Variants in ARMCX2 observed in about 807,000 individuals in gnomAD.
ARMCX2 encodes armadillo repeat-containing X-linked protein 2.
ARMCX2 carries 2 observed loss-of-function variants against 17.0 expected under a neutral mutation model. That is an observed-to-expected ratio of 0.12 (90% CI 0.05 to 0.37). The LOEUF is 0.37. ARMCX2 is among the 10% of genes least tolerant of loss of function. ARMCX2 has a pLI of 1.00. For synonymous variants in ARMCX2, 182 were observed against 195.2 expected, an observed-to-expected ratio of 0.93 and a Z score of 0.57; for missense variants, 408 against 497.7, an observed-to-expected ratio of 0.82 and a Z score of 1.72.
Position 101,656,923 on chromosome X carries a change from C to T in ARMCX2, c.666G>A (p.Val222=). The T allele has an allele frequency of 8.3e-7, 1 of 1,211,165 alleles. No individual in the cohort carries two copies. The highest frequency in any genetic ancestry group is 1.1e-6 in the Non-Finnish European group (1 of 895,096). Residue 222 remains valine (V), a synonymous_variant, in exon 6 of 6, where the codon GTG becomes GTA. Transcript: ENST00000356824. ...ASPTEAAEAP[V]PATPTGAAAP... Reference sequence around the variant, plus strand: ...CTGCAGCCCCAGTAGGCGTTGCCGGCACAGGAGCCTCAGCTGCCTCGGTAG... The same window carrying T: ...CTGCAGCCCCAGTAGGCGTTGCCGGTACAGGAGCCTCAGCTGCCTCGGTAG...
chrX:101,655,669 C>T lies in ARMCX2; in HGVS notation c.*21G>A. On this transcript the variant is annotated 3_prime_UTR_variant, in exon 6 of 6. Transcript: ENST00000356824. ...GCAAAATCATGAAATTTCTTCAAGT[C>T]TTTTGACGGTACATAACCAATCAGA... 9.3e-7 allele frequency: 1 copy of T among 1,071,473 alleles called. No homozygotes were observed. Among genetic ancestry groups the T allele is most frequent in the Non-Finnish European group, 1.2e-6 (1 of 813,133 alleles). 88.3% of individuals were successfully genotyped at this position (1,071,473 alleles called of 1,213,427 possible).
intron 4 of ARMCX2, 84 bp from the exon 5 acceptor site, chrX:101,658,226 A>G (rs1262604836): frequency 8.9e-6 from 1 of 112,137 alleles, no homozygotes; most frequent in African/African-American, 3.3e-5. Flanking sequence ...CTGTGGGTCA[A>G]AGGTTTTCCC....
chrX:101,655,858 G>C lies in ARMCX2; in HGVS notation c.1731C>G (p.Ile577Met), dbSNP rs1556048273. The part of the protein sequence containing the change: ...LINALTLFEI[I>M]YDNLRAEVFN... ...ACACTTCTGCTCTGAGATTGTCATA[G>C]ATAATCTCAAATAGAGTAAGGGCAT... The change falls in exon 6 of 6, where the codon ATC becomes ATG. Residue 577 changes from isoleucine to methionine, a missense_variant. Ile to Met is a conservative substitution (Grantham distance 10). Coordinates refer to ENST00000356824, the MANE Select transcript of ARMCX2 (RefSeq NM_177949.4). 1 of 1,209,162 alleles carries C rather than the reference G, an allele frequency of 8.3e-7. No individual in the cohort carries two copies. The highest frequency in any genetic ancestry group is 1.1e-6 in the Non-Finnish European group (1 of 894,093).
Position 101,656,126 on chromosome X carries a change from A to G in ARMCX2, c.1463T>C (p.Val488Ala). 1 of 1,210,991 alleles carries G rather than the reference A, an allele frequency of 8.3e-7. No homozygotes were observed. The highest frequency in any genetic ancestry group is 1.1e-6 in the Non-Finnish European group (1 of 894,866). Reference sequence around the variant, plus strand: ...CATGTTTGTTAGAAATTTTAGTCCAACTACTTGAACTGCTGAGTTCAGGTT... The same window carrying G: ...CATGTTTGTTAGAAATTTTAGTCCAGCTACTTGAACTGCTGAGTTCAGGTT... ...ASNLNSAVQV[V>A]GLKFLTNMTI... Residue 488 changes from valine to alanine, a missense_variant, in exon 6 of 6, where the codon GTT becomes GCT. By Grantham distance (64) the Val-to-Ala change is moderately conservative. Around this residue, in one of 2 missense-constraint regions of ARMCX2, gnomAD observed 101 missense variants for 170.9 expected, o/e 0.59. Transcript: ENST00000356824.
rs782744482 is a variant in ARMCX2 at position 101,657,379 on chromosome X, A to G, written c.210T>C (p.Ser70=). 8.3e-7 allele frequency: 1 copy of G among 1,211,532 alleles called. No individual in the cohort carries two copies. The highest frequency in any genetic ancestry group is 1.8e-5 in the South Asian group (1 of 56,986). Residue 70 remains serine (S), a synonymous_variant, in exon 6 of 6, where the codon AGT becomes AGC. Coordinates refer to ENST00000356824, the MANE Select transcript of ARMCX2 (RefSeq NM_177949.4). ...CTTCAGCACGGACTGGGGTTGGGGG[A>G]CTGAATCCTGACCCAAGGTCGATTG... The part of the protein sequence containing the change: ...GFTIDLGSGF[S]PPTPVRAEAE...
chrX:101,658,923 C>A (rs1319128706), intron 3 of ARMCX2, among the ~76,000 whole-genome samples, 153 bp downstream of exon 3: 2 of 111,461 alleles, frequency 1.8e-5, no homozygotes, highest in South Asian at 3.8e-4. Flanking sequence ...CGCTCCCCAG[C>A]CCCTAGGCCT....
At position 101,657,563 on chromosome X, in the gene ARMCX2, C is replaced by T; in HGVS notation, c.26G>A (p.Cys9Tyr). MSRVRDAG[C>Y]VAAGIVIGAG... ...CCCTATCACTATCCCCGCCGCTACA[C>T]AGCCAGCATCCCGAACGCGGCTCAT... The change falls in exon 6 of 6, where the codon TGT (cysteine) becomes TAT (tyrosine). Residue 9 changes from cysteine to tyrosine, a missense_variant. Cys to Tyr is a radical substitution (Grantham distance 194). This residue lies in a region of ARMCX2 where 307 missense variants were observed against 326.8 expected (regional missense o/e 0.94). Coordinates refer to ENST00000356824, the MANE Select transcript of ARMCX2 (RefSeq NM_177949.4). 1 of 1,209,988 alleles carries T rather than the reference C, an allele frequency of 8.3e-7. No individual in the cohort carries two copies. Among genetic ancestry groups the T allele is most frequent in the Non-Finnish European group, 1.1e-6 (1 of 894,102 alleles).
intron 5 of ARMCX2, 87 bp from the exon 6 acceptor site, chrX:101,657,802 A>G (rs894851787): frequency 7.6e-5 from 28 of 369,049 alleles, no homozygotes; most frequent in Non-Finnish European, 1.3e-4. Context: ...TTAGGGACAC[A>G]ATGCTTCGTT....
chrX:101,657,223 C>G lies in ARMCX2; in HGVS notation c.366G>C (p.Gly122=). ...GSQAQEADGA[G]VGPKAESVVG... Reference sequence around the variant, plus strand: ...CTACTGATTCGGCCTTAGGCCCAACCCCGGCTCCATCTGCCTCTTGGGCCT... The same window carrying G: ...CTACTGATTCGGCCTTAGGCCCAACGCCGGCTCCATCTGCCTCTTGGGCCT... Residue 122 remains glycine (G), a synonymous_variant, in exon 6 of 6, where the codon GGG becomes GGC. Transcript: ENST00000356824. 5 of 1,199,696 alleles carry G rather than the reference C, an allele frequency of 4.2e-6. No individual in the cohort carries two copies. The highest frequency in any genetic ancestry group is 5.6e-6 in the Non-Finnish European group (5 of 887,390).
Position 101,656,928 on chromosome X carries a change from G to A in ARMCX2, c.661C>T (p.Pro221Ser), listed in dbSNP as rs781807108. 5.0e-6 allele frequency: 6 copies of A among 1,208,545 alleles called. No individual in the cohort carries two copies. In the African/African-American group the frequency reaches 7.0e-5, roughly 14 times the overall value. Residue 221 changes from proline to serine, a missense_variant, in exon 6 of 6, where the codon CCT becomes TCT. Around this residue, in one of 2 missense-constraint regions of ARMCX2, gnomAD observed 307 missense variants for 326.8 expected, o/e 0.94. Coordinates refer to ENST00000356824, the MANE Select transcript of ARMCX2 (RefSeq NM_177949.4). ...GCCCCAGTAGGCGTTGCCGGCACAG[G>A]AGCCTCAGCTGCCTCGGTAGGCGAT... Reference protein sequence around the residue: ...VASPTEAAEAPVPATPTGAAA... With the variant: ...VASPTEAAEASVPATPTGAAA...
intron 1 of ARMCX2, 30 bp downstream of exon 1, chrX:101,659,728 G>T (rs1479876279): frequency 9.1e-6 from 1 of 110,234 alleles, no homozygotes; most frequent in African/African-American, 3.3e-5. Context: ...CTATTCAGGG[G>T]TCCCAGACTG....
chrX:101,658,239 C>T (rs920786212), intron 4 of ARMCX2, 97 bp from the exon 5 acceptor site: 10 of 112,210 alleles, frequency 8.9e-5, no homozygotes, highest in African/African-American at 2.6e-4. Flanking sequence ...GTTTTCCCCC[C>T]TCAGGGATCC....
At position 101,656,760 on chromosome X, in the gene ARMCX2, C is replaced by A. The variant is rs1556058434; in HGVS notation, c.829G>T (p.Ala277Ser). 1.7e-6 allele frequency: 2 copies of A among 1,211,715 alleles called. No homozygotes were observed. The highest frequency in any genetic ancestry group is 2.2e-6 in the Non-Finnish European group (2 of 895,509). Residue 277 changes from alanine (A) to serine (S), a missense_variant, in exon 6 of 6, where the codon GCG (alanine) becomes TCG (serine). Physicochemically the swap from Ala to Ser is moderately conservative, Grantham distance 99. This residue lies in a region of ARMCX2 where 307 missense variants were observed against 326.8 expected (regional missense o/e 0.94). Coordinates refer to ENST00000356824, the MANE Select transcript of ARMCX2 (RefSeq NM_177949.4). Reference sequence around the variant, plus strand: ...CCCTTGCCTCCACCTTTGGGTACCGCTCCAGTCGCTGATGTGGCTTTCGGT... The same window carrying A: ...CCCTTGCCTCCACCTTTGGGTACCGATCCAGTCGCTGATGTGGCTTTCGGT... The part of the protein sequence containing the change: ...AIPKATSATG[A>S]VPKGGGKGVT...
chrX:101,655,644 G>T lies in ARMCX2; in HGVS notation c.*46C>A, dbSNP rs782438407. On this transcript the variant is annotated 3_prime_UTR_variant, in exon 6 of 6. Coordinates refer to ENST00000356824, the MANE Select transcript of ARMCX2 (RefSeq NM_177949.4). ...TTTCAATTTTCAACGCTTCCACACT[G>T]CAAAATCATGAAATTTCTTCAAGTC... is the stretch of plus-strand genomic sequence containing the variant. 20 of 1,029,880 alleles carry T rather than the reference G, an allele frequency of 1.9e-5. No individual in the cohort carries two copies. Among genetic ancestry groups the T allele is most frequent in the Middle Eastern group, 3.9e-4 (1 of 2,567 alleles). The allele number at this position is 1,029,880 out of a possible 1,213,427, so 84.9% of individuals were successfully genotyped here. A position where few individuals can be genotyped will look rare whatever the true frequency, so the allele number is the denominator to read the frequency against.
chrX:101,657,508 G>A lies in ARMCX2; in HGVS notation c.81C>T (p.Tyr27=), dbSNP rs1936360775. 8.3e-7 allele frequency: 1 copy of A among 1,210,336 alleles called. No homozygotes were observed. The highest frequency in any genetic ancestry group is 1.1e-6 in the Non-Finnish European group (1 of 895,241). Residue 27 remains tyrosine, a synonymous_variant, in exon 6 of 6, where the codon TAC becomes TAT. Transcript: ENST00000356824. ...GAGAWYCVYK[Y]TRGRDQTKKR... ...TCTTGGTCTGGTCTCTCCCCCTGGT[G>A]TATTTGTAGACACAGTACCAGGCAC...
At position 101,657,333 on chromosome X, in the gene ARMCX2, C is replaced by T; in HGVS notation, c.256G>A (p.Glu86Lys). ...CCAACTGTGTCCAGAGCAGAGGCTT[C>T]ATCCTGGGCCCTGTCCTCTGCTTCA... is the stretch of plus-strand genomic sequence containing the variant. ...RAEAEDRAQD[E>K]ASALDTVGAE... Residue 86 changes from glutamate (E) to lysine (K), a missense_variant, in exon 6 of 6, where the codon GAA becomes AAA. Glu to Lys is a moderately conservative substitution (Grantham distance 56). This residue lies in a region of ARMCX2 where 307 missense variants were observed against 326.8 expected (regional missense o/e 0.94). Coordinates refer to ENST00000356824, the MANE Select transcript of ARMCX2 (RefSeq NM_177949.4). 8.3e-7 allele frequency: 1 copy of T among 1,210,244 alleles called. No individual in the cohort carries two copies. The highest frequency in any genetic ancestry group is 1.1e-6 in the Non-Finnish European group (1 of 894,155).
rs140575406 is a variant in ARMCX2, at chrX:101,657,644, A to G, written c.-56T>C. 7,240 of 1,103,425 alleles carry G rather than the reference A, an allele frequency of 6.6e-3. 27 individuals carry two copies. The highest frequency in any genetic ancestry group is 7.7e-3 in the Non-Finnish European group (6,289 of 814,654). 90.9% of individuals were successfully genotyped at this position (1,103,425 alleles called of 1,213,427 possible). On this transcript the variant is annotated 5_prime_UTR_variant, in exon 6 of 6. Transcript: ENST00000356824. ...GCGTGGAACTGGATTGCTTAAGGTT[A>G]AGGGATGCCTGCTCGTCCGGGTGAG... is the stretch of plus-strand genomic sequence containing the variant.
In ARMCX2 at chrX:101,657,689, C is replaced by T. The variant is rs1323053157; in HGVS notation, c.-101G>A. The T allele has an allele frequency of 1.5e-5, 13 of 885,277 alleles. No homozygotes were observed. The African/African-American group carries it at 2.4e-4, about 16-fold the overall frequency. 73.0% of individuals were successfully genotyped at this position (885,277 alleles called of 1,213,427 possible). On this transcript the variant is annotated 5_prime_UTR_variant, in exon 6 of 6. Transcript: ENST00000356824. ...GGTGAGGCTCTTCAGTTTAGGCTTA[C>T]AAGTTCTGCTGAGGCTTAGGCAGGG...
rs781839576 is a variant in ARMCX2, at chrX:101,657,238, C to T, written c.351G>A (p.Glu117=). The change falls in exon 6 of 6, where the codon GAG becomes GAA. Residue 117 remains glutamate (E), a synonymous_variant. Coordinates refer to ENST00000356824, the MANE Select transcript of ARMCX2 (RefSeq NM_177949.4). ...AQSGAGSQAQ[E]ADGAGVGPKA... ...TAGGCCCAACCCCGGCTCCATCTGC[C>T]TCTTGGGCCTGACTGCCTGCCCCAC... 1.2e-5 allele frequency: 15 copies of T among 1,203,679 alleles called. No individual in the cohort carries two copies. The Admixed American group carries it at 2.0e-4, about 16-fold the overall frequency.
Sources: gnomAD v4.1 joint callset for allele counts (sites outside exome capture counted in the v4.1 genomes callset) on GRCh38, gnomAD v4.1.1 for gene constraint, gnomAD v4.1.1 regional missense constraint, MANE v1.5 for transcripts, NCBI Gene and HGNC (gene_info 2026-07-23, HGNC 2026-07-21) for gene names.